MTUS2: variants seen among roughly 807,000 people sequenced by gnomAD.
MTUS2 encodes microtubule associated scaffold protein 2, also known as microtubule-associated tumor suppressor candidate 2.
Under a neutral mutation model 114.1 loss-of-function variants are expected in MTUS2, and 40 were observed. That is an observed-to-expected ratio of 0.35 (90% confidence interval 0.27 to 0.46). The LOEUF (loss-of-function observed/expected upper bound fraction) is 0.46. MTUS2 is among the 20% of genes least tolerant of loss of function. MTUS2 has a pLI of 1.00. For missense variants in MTUS2, 1,679 were observed against 1,705.4 expected (o/e 0.98, Z 0.27); for synonymous variants, 688 against 672.0 (o/e 1.02, Z -0.37).
At chr13:28,957,538 A>G (rs1883128552) in intron 2 of MTUS2, among the ~76,000 whole-genome samples, 1 of 152,230 alleles carries the variant, frequency 6.6e-6, no homozygotes, top group African/African-American at 2.4e-5. Context: ...CAGAATAACA[A>G]CTATTTATCT....
At chr13:29,097,546 A>T (rs1005174352) in intron 4 of MTUS2, among the ~76,000 whole-genome samples, 3 of 152,332 alleles carry the variant, frequency 2.0e-5, no homozygotes, top group Admixed American at 2.0e-4. Context: ...GGAAACATAT[A>T]TTCCTCTAAC....
chr13:28,904,215 G>C (rs1025839678), intron 2 of MTUS2, among the ~76,000 whole-genome samples: 6 of 152,124 alleles, frequency 3.9e-5, no homozygotes, highest in Admixed American at 6.6e-5. Context: ...TAGGTTGCCT[G>C]TTCACTCTGA....
At chr13:29,078,473 A>G (rs765418497) in intron 4 of MTUS2, among the ~76,000 whole-genome samples, 1 of 152,204 alleles carries the variant, frequency 6.6e-6, no homozygotes, top group Non-Finnish European at 1.5e-5. Context: ...TTTATTTACC[A>G]TAACAGCTTT....
rs745670224 is a variant in MTUS2 at position 29,480,327 on chromosome 13, A to G, written c.3362A>G (p.Asp1121Gly). Residue 1121 changes from aspartate to glycine, a missense_variant, in exon 10 of 16, where the codon GAC becomes GGC. By Grantham distance (94) the Asp-to-Gly change is moderately conservative. This residue lies in a region of MTUS2 where 822 missense variants were observed against 899.7 expected (regional missense o/e 0.91). Transcript: ENST00000612955. The surrounding 1 kb of genome is among the most constrained non-coding windows in gnomAD (Gnocchi z 4.4). The part of the protein sequence containing the change: ...EMARLQEEHG[D>G]QLLSIRCQHQ... ...GCGCGCCTGCAGGAGGAGCACGGTGACCAGCTGCTGAGCATCCGGTGTCAA... is the reference window on the plus strand; with the variant it reads ...GCGCGCCTGCAGGAGGAGCACGGTGGCCAGCTGCTGAGCATCCGGTGTCAA... 2 of 1,550,976 alleles carry G rather than the reference A, an allele frequency of 1.3e-6. No homozygotes were observed. The highest frequency in any genetic ancestry group is 2.4e-5 in the South Asian group (2 of 83,458).
intron 5 of MTUS2, among the ~76,000 whole-genome samples, chr13:29,130,761 G>T (rs1189142807): frequency 6.6e-6 from 1 of 152,090 alleles, no homozygotes; most frequent in African/African-American, 2.4e-5. Context: ...AAGTAGCTGG[G>T]ACTACAGGCA....
chr13:29,286,881 G>C (rs1898514464), intron 6 of MTUS2, among the ~76,000 whole-genome samples: 1 of 152,130 alleles, frequency 6.6e-6, no homozygotes, highest in Admixed American at 6.5e-5. Flanking sequence ...AGTAAGGACA[G>C]GGTTTCATCA....
chr13:29,433,390 G>A (rs1181595259), intron 8 of MTUS2, among the ~76,000 whole-genome samples: 2 of 152,200 alleles, frequency 1.3e-5, no homozygotes, highest in South Asian at 4.1e-4. Context: ...AAGCCTATAT[G>A]AAATTTCATT....
chr13:29,393,735 A>G (rs1873691234), intron 8 of MTUS2, among the ~76,000 whole-genome samples: 1 of 152,204 alleles, frequency 6.6e-6, no homozygotes, highest in Non-Finnish European at 1.5e-5. Flanking sequence ...ACATGTGCCC[A>G]AGATAGTCCA....
At chr13:29,173,095 G>T (rs116689827) in intron 5 of MTUS2, among the ~76,000 whole-genome samples, 1 of 151,894 alleles carries the variant, frequency 6.6e-6, no homozygotes, top group African/African-American at 2.4e-5. Context: ...AATTGCACCT[G>T]CTTTTTTTAT....
At chr13:29,366,997 C>G (rs1593356346) in intron 8 of MTUS2, among the ~76,000 whole-genome samples, 1 of 152,180 alleles carries the variant, frequency 6.6e-6, no homozygotes, top group African/African-American at 2.4e-5. Flanking sequence ...TGAATCATCT[C>G]CAATTCCAAA....
chr13:29,206,363 T>C (rs1895184812), intron 5 of MTUS2, among the ~76,000 whole-genome samples: 1 of 152,232 alleles, frequency 6.6e-6, no homozygotes, highest in Non-Finnish European at 1.5e-5. Flanking sequence ...GGGTTGTCTG[T>C]TCACTCTGCT....
intron 6 of MTUS2, among the ~76,000 whole-genome samples, chr13:29,292,180 T>C (rs1898744070): frequency 6.6e-6 from 1 of 152,244 alleles, no homozygotes; most frequent in Admixed American, 6.5e-5. Context: ...TTAACCCTTG[T>C]TGGAAACACT....
At chr13:28,908,284 C>T (rs769419799) in intron 2 of MTUS2, among the ~76,000 whole-genome samples, 4 of 151,452 alleles carry the variant, frequency 2.6e-5, no homozygotes, top group Admixed American at 6.6e-5. Flanking sequence ...AACGCTATCC[C>T]TTCCACCTCC....
At chr13:28,887,128 G>T (rs183351179) in intron 2 of MTUS2, among the ~76,000 whole-genome samples, 1 of 152,296 alleles carries the variant, frequency 6.6e-6, no homozygotes, top group Admixed American at 6.5e-5. Flanking sequence ...AAGGAAGTTG[G>T]CCTTCATTTT....
intron 4 of MTUS2, among the ~76,000 whole-genome samples, chr13:29,062,417 T>C (rs1888464886): frequency 6.6e-6 from 1 of 152,190 alleles, no homozygotes; most frequent in Non-Finnish European, 1.5e-5. Context: ...CTTTGGCTAT[T>C]CTCATACCTT....
chr13:29,281,116 G>C (rs1898247674), intron 5 of MTUS2, among the ~76,000 whole-genome samples: 1 of 152,146 alleles, frequency 6.6e-6, no homozygotes, highest in African/African-American at 2.4e-5. Context: ...TTTTCAAACA[G>C]AAAGCCTGCT....
chr13:29,444,896 T>TCCTTTG (rs565244356), intron 9 of MTUS2, among the ~76,000 whole-genome samples: 2 of 152,208 alleles, frequency 1.3e-5, no homozygotes, highest in Non-Finnish European at 2.9e-5. Context: ...CCCGCCTCCT[T>TCCTTTG]CCTTTGCCTT....
intron 5 of MTUS2, among the ~76,000 whole-genome samples, chr13:29,167,983 A>G (rs1449155691): frequency 6.6e-6 from 1 of 152,248 alleles, no homozygotes; most frequent in African/African-American, 2.4e-5. Flanking sequence ...ACTAAAATAC[A>G]AAAGGAACAA....
intron 2 of MTUS2, among the ~76,000 whole-genome samples, chr13:29,018,961 G>A (rs1886180620): frequency 6.6e-6 from 1 of 152,104 alleles, no homozygotes; most frequent in African/African-American, 2.4e-5. Context: ...CTGATGCTGA[G>A]CCTTAGGTTT....
Sources: allele counts gnomAD v4.1 joint callset (sites outside exome capture counted in the v4.1 genomes callset), GRCh38; gene constraint gnomAD v4.1.1; regional missense constraint gnomAD v4.1.1; non-coding constraint Gnocchi (gnomAD v3.1); transcripts MANE v1.5; gene names NCBI Gene and HGNC (gene_info 2026-07-23, HGNC 2026-07-21).